SEMA4A: variants seen among roughly 807,000 people sequenced by gnomAD.
SEMA4A encodes semaphorin 4A, also known as semaphorin-4A.
SEMA4A carries 52 observed loss-of-function variants against 72.5 expected under a neutral mutation model. The observed-to-expected ratio is 0.72, with a 90% CI of 0.57 to 0.90. The LOEUF (loss-of-function observed/expected upper bound fraction) is 0.90. SEMA4A is among the 40% of genes least tolerant of loss of function. The pLI, the probability that SEMA4A is intolerant of heterozygous loss-of-function variation, is 0.00. For synonymous variants in SEMA4A, 369 were observed against 393.1 expected (o/e 0.94, Z 0.73); for missense variants, 926 against 959.7 (o/e 0.96, Z 0.46).
At chr1:156,154,325 G>T (rs376717347) in intron 1 of SEMA4A, 4 of 573,060 alleles carry the variant, frequency 7.0e-6, no homozygotes, top group East Asian at 5.8e-5. Context: ...GGGAGACCTG[G>T]GCTCCTACCC....
At chr1:156,174,697 C>G in intron 11 of SEMA4A, 125 bp from the exon 12 acceptor site, 1 of 1,098,496 alleles carries the variant, frequency 9.1e-7, no homozygotes, top group South Asian at 1.3e-5. Context: ...AATGATCTGG[C>G]TGACCCGCGC....
intron 9 of SEMA4A, among the ~76,000 whole-genome samples, chr1:156,162,209 C>A (rs1553270193): frequency 6.6e-6 from 1 of 152,208 alleles, no homozygotes; most frequent in African/African-American, 2.4e-5. Flanking sequence ...TGCAGTGAGC[C>A]AAGATCGCAC....
Position 156,157,724 on chromosome 1 carries a change from T to C in SEMA4A, c.301-346T>C, listed in dbSNP as rs1256139014. ...GTGCGGTTTGACAACTGCTGCCATA[T>C]ATACCATTCATCGTGTTAGGTGTTT... On this transcript the variant is annotated intron_variant, in intron 3 of 14. Transcript: ENST00000368285. The surrounding 1 kb of genome is among the most constrained non-coding windows in gnomAD (Gnocchi z 4.5). 6.6e-6 allele frequency among the ~76,000 whole-genome samples: 1 copy of C among 152,210 alleles called. No homozygotes were observed. The highest frequency in any genetic ancestry group is 1.5e-5 in the Non-Finnish European group (1 of 68,040).
Position 156,158,083 on chromosome 1 carries a change from C to G in SEMA4A, c.314C>G (p.Ala105Gly). 6.2e-7 allele frequency: 1 copy of G among 1,614,038 alleles called. No homozygotes were observed. Among genetic ancestry groups the G allele is most frequent in the Non-Finnish European group, 8.5e-7 (1 of 1,179,988 alleles). The change falls in exon 4 of 15, where the codon GCC (alanine) becomes GGC (glycine). Residue 105 changes from alanine to glycine, a missense_variant. Ala to Gly is a moderately conservative substitution (Grantham distance 60). Coordinates refer to ENST00000368285, the MANE Select transcript of SEMA4A (RefSeq NM_022367.4). ...CCCCACTTTCAGATACCGTGGCCAG[C>G]CAGTGACAGAAAAAAGAGTGAATGT... ...PRLKNMIPWP[A>G]SDRKKSECAF...
upstream of SEMA4A, among the ~76,000 whole-genome samples, chr1:156,152,941 C>A (rs553216907): frequency 2.0e-5 from 3 of 152,112 alleles, no homozygotes; most frequent in Admixed American, 6.5e-5. Flanking sequence ...ATTAACCCCG[C>A]GTTATGAGGC....
chr1:156,161,222 G>A (rs1165593994), intron 8 of SEMA4A, 124 bp from the exon 9 acceptor site: 7 of 645,600 alleles, frequency 1.1e-5, no homozygotes, highest in African/African-American at 9.7e-5. Context: ...GAGGGGGCGG[G>A]GTGGGGACAC....
chr1:156,158,413 TC>T lies in SEMA4A; in HGVS notation c.391del (p.Leu131TrpfsTer68), dbSNP rs781728594. The T allele has an allele frequency of 2.5e-6, 4 of 1,614,024 alleles. No individual in the cohort carries two copies. The highest frequency in any genetic ancestry group is 3.4e-6 in the Non-Finnish European group (4 of 1,179,930). On this transcript the variant is annotated frameshift_variant, in exon 5 of 15. Transcript: ENST00000368285. LOFTEE classifies it high-confidence loss of function. ...ACACAGTGTTTCAACTTCATCCGTGTCCTGGTTTCTTACAATGTCACCCATC... is the reference window on the plus strand; with the variant it reads ...ACACAGTGTTTCAACTTCATCCGTGTCTGGTTTCTTACAATGTCACCCATC... Reference protein sequence around the residue: ...NETQCFNFIRVLVSYNVTHLY... With the variant: ...NETQCFNFIRXLVSYNVTHLY...
intron 14 of SEMA4A, 109 bp from the exon 15 acceptor site, chr1:156,176,296 A>AG: frequency 6.1e-6 from 1 of 163,288 alleles, no homozygotes; most frequent in Non-Finnish European, 1.2e-5. Flanking sequence ...AACCTGCCTC[A>AG]AAAAAAAAAA....
chr1:156,152,715 G>A (rs1009516944), upstream of SEMA4A, among the ~76,000 whole-genome samples: 1 of 152,206 alleles, frequency 6.6e-6, no homozygotes, highest in African/African-American at 2.4e-5. Flanking sequence ...CATCCCCCAT[G>A]TTGGCTGGTG....
At chr1:156,161,290 C>T in intron 8 of SEMA4A, 56 bp from the exon 9 acceptor site, 3 of 574,806 alleles carry the variant, frequency 5.2e-6, no homozygotes, top group Non-Finnish European at 6.7e-6. Context: ...GGAGGACACG[C>T]GGGGCTGGGG....
intron 4 of SEMA4A, 125 bp from the exon 5 acceptor site, chr1:156,158,263 C>A: frequency 7.8e-7 from 1 of 1,274,172 alleles, no homozygotes; most frequent in Non-Finnish European, 1.1e-6. Flanking sequence ...GGATTATGTT[C>A]TACAGAGGCG....
intron 10 of SEMA4A, among the ~76,000 whole-genome samples, chr1:156,172,249 C>G (rs769148018): frequency 4.0e-5 from 6 of 151,898 alleles, no homozygotes; most frequent in Non-Finnish European, 7.3e-5. Flanking sequence ...TTCTAAGTAG[C>G]TGTGATTACA....
intron 10 of SEMA4A, among the ~76,000 whole-genome samples, chr1:156,163,576 G>A (rs1189509159): frequency 6.6e-6 from 1 of 151,828 alleles, no homozygotes; most frequent in Non-Finnish European, 1.5e-5. Flanking sequence ...ACAAAAATTA[G>A]CCAGGCATGG....
chr1:156,164,462 A>G (rs1653977395), intron 10 of SEMA4A, among the ~76,000 whole-genome samples: 1 of 152,112 alleles, frequency 6.6e-6, no homozygotes, highest in Admixed American at 6.5e-5. Flanking sequence ...ATCTTTTTCC[A>G]AATTTGTGTT....
At chr1:156,158,874 C>A (rs570415714) in intron 6 of SEMA4A, 50 bp downstream of exon 6, 1 of 1,458,560 alleles carries the variant, frequency 6.9e-7, no homozygotes, top group South Asian at 1.1e-5. Context: ...TCTCCAGTCA[C>A]GCTGTGAAAT....
chr1:156,169,407 C>CTTTTTTTT (rs766983966), intron 10 of SEMA4A, among the ~76,000 whole-genome samples: 24 of 85,290 alleles, frequency 2.8e-4, no homozygotes, highest in Non-Finnish European at 4.7e-4. Context: ...CTTTTCTTTT[C>CTTTTTTTT]TTTTTTTTTT....
At chr1:156,173,047 C>A in intron 11 of SEMA4A, 41 bp downstream of exon 11, 1 of 1,588,946 alleles carries the variant, frequency 6.3e-7, no homozygotes, top group Non-Finnish European at 8.6e-7. Flanking sequence ...AGGACTAGAG[C>A]AGAGGATGCC....
intron 7 of SEMA4A, 112 bp downstream of exon 7, chr1:156,160,671 G>A (rs1372209807): frequency 8.4e-6 from 9 of 1,070,670 alleles, no homozygotes; most frequent in East Asian, 2.5e-5. Flanking sequence ...AGGCGCAGGG[G>A]GTATATGGCA....
chr1:156,165,319 A>G (rs1572407733), intron 10 of SEMA4A, among the ~76,000 whole-genome samples: 1 of 151,624 alleles, frequency 6.6e-6, no homozygotes, highest in African/African-American at 2.4e-5. Flanking sequence ...TTCCTGTGAC[A>G]GATCTCTTGT....
Sources: allele counts gnomAD v4.1 joint callset (sites outside exome capture counted in the v4.1 genomes callset), GRCh38; gene constraint gnomAD v4.1.1; non-coding constraint Gnocchi (gnomAD v3.1); transcripts MANE v1.5; gene names NCBI Gene and HGNC (gene_info 2026-07-23, HGNC 2026-07-21).